The following UGT2B15 variants were observed in gnomAD, a reference collection of about 807,000 sequenced individuals.
UGT2B15 encodes UDP glucuronosyltransferase family 2 member B15.
Under a neutral mutation model 45.9 loss-of-function variants are expected in UGT2B15, and 36 were observed. That is an observed-to-expected ratio of 0.78 (90% CI 0.60 to 1.04). The LOEUF (loss-of-function observed/expected upper bound fraction) is 1.04. Ranked by LOEUF, UGT2B15 falls within the 50% of genes least tolerant of loss-of-function variation. UGT2B15 has a pLI of 0.00. For synonymous variants in UGT2B15, 219 were observed against 216.4 expected, an observed-to-expected ratio of 1.01 and a Z score of -0.11; for missense variants, 617 against 622.4, an observed-to-expected ratio of 0.99 and a Z score of 0.09.
chr4:68,667,321 C>A (rs948126545), intron 2 of UGT2B15, among the ~76,000 whole-genome samples: 8 of 152,008 alleles, frequency 5.3e-5, no homozygotes, highest in African/African-American at 1.7e-4. Context: ...AGGCACACAC[C>A]AGCATGCCTG....
At chr4:68,667,432 T>A (rs1206327957) in intron 2 of UGT2B15, among the ~76,000 whole-genome samples, 1 of 152,108 alleles carries the variant, frequency 6.6e-6, no homozygotes, top group East Asian at 1.9e-4. Context: ...CTTCTCTGCC[T>A]CCCAAAGTGC....
Position 68,670,195 on chromosome 4 carries a change from G to A in UGT2B15, c.424C>T (p.Gln142Ter), listed in dbSNP as rs200589973. The A allele has an allele frequency of 3.1e-6, 5 of 1,614,018 alleles. No individual in the cohort carries two copies. The Admixed American group carries it at 5.0e-5, about 16-fold the overall frequency. ...VLNKKLMMKL[Q>*]ESKFDVILAD... The stretch of plus-strand genomic sequence containing the variant: ...AGAATGACATCAAACTTTGACTCTT[G>A]TAGTTTCATCATAAGTTTCTTATTC... Residue 142 changes from glutamine (Q) to a stop codon, truncating the protein, a stop_gained, in exon 1 of 6, where the codon CAA becomes TAA. Transcript: ENST00000338206. LOFTEE classifies it high-confidence loss of function.
chr4:68,659,309 G>C (rs772646709), intron 3 of UGT2B15, among the ~76,000 whole-genome samples: 3 of 151,844 alleles, frequency 2.0e-5, no homozygotes, highest in African/African-American at 7.3e-5. Flanking sequence ...TTTGATATTT[G>C]AGAAATTTTC....
At chr4:68,651,237 C>A (rs956480932) in intron 5 of UGT2B15, among the ~76,000 whole-genome samples, 7 of 151,972 alleles carry the variant, frequency 4.6e-5, no homozygotes, top group Non-Finnish European at 1.5e-5. Context: ...ATGCCTATGT[C>A]CTGAATGATA....
At chr4:68,658,975 T>C (rs1732886004) in intron 3 of UGT2B15, among the ~76,000 whole-genome samples, 1 of 152,038 alleles carries the variant, frequency 6.6e-6, no homozygotes, top group Non-Finnish European at 1.5e-5. Context: ...GACACACTAA[T>C]GCAAGACCAA....
intron 3 of UGT2B15, 131 bp from the exon 4 acceptor site, chr4:68,655,313 C>T: frequency 8.6e-7 from 1 of 1,167,928 alleles, no homozygotes; most frequent in Admixed American, 2.5e-5. Flanking sequence ...GAAGTGATGT[C>T]AAGTAATGAG....
At position 68,661,483 on chromosome 4, in the gene UGT2B15, T is replaced by C. The variant is rs186908864; in HGVS notation, c.1005+1525A>G. 5.3e-5 allele frequency among the ~76,000 whole-genome samples: 8 copies of C among 152,086 alleles called. No individual in the cohort carries two copies. The East Asian group carries it at 1.5e-3, about 29-fold the overall frequency. Reference sequence around the variant, plus strand: ...AAATTAGTAATAACCTATATATTTATTTTATATACTTTATACTAGCTGTAA... The same window carrying C: ...AAATTAGTAATAACCTATATATTTACTTTATATACTTTATACTAGCTGTAA... On this transcript the variant is annotated intron_variant, in intron 3 of 5. Coordinates refer to ENST00000338206, the MANE Select transcript of UGT2B15 (RefSeq NM_001076.4).
At chr4:68,653,938 C>A in intron 5 of UGT2B15, 99 bp downstream of exon 5, 1 of 1,462,824 alleles carries the variant, frequency 6.8e-7, no homozygotes, top group South Asian at 1.3e-5. Flanking sequence ...TCACTTCAAT[C>A]CCTTCAAAAT....
chr4:68,658,034 T>C lies in UGT2B15; in HGVS notation c.1006-2852A>G, dbSNP rs189119688. Among the ~76,000 whole-genome samples the C allele has an allele frequency of 5.3e-5, 8 of 152,226 alleles. No homozygotes were observed. In the East Asian group the frequency reaches 1.5e-3, roughly 29 times the overall value. On this transcript the variant is annotated intron_variant, in intron 3 of 5. Transcript: ENST00000338206. The stretch of plus-strand genomic sequence containing the variant: ...CTATTTAATTTTCACTTGGTTTCTT[T>C]TAATATGCAAATGTAAGACTATTTA...
At position 68,663,999 on chromosome 4, in the gene UGT2B15, A is replaced by G. The variant is rs183897391; in HGVS notation, c.874-860T>C. Among the ~76,000 whole-genome samples the G allele has an allele frequency of 1.6e-4, 25 of 152,212 alleles. 1 individual carries two copies. Among genetic ancestry groups the G allele is most frequent in the East Asian group, 5.8e-4 (3 of 5,184 alleles). ...ACACTGTGAATTTGATGTGCTATGT[A>G]TAACTGAATGTGGGGGACCCTCATC... On this transcript the variant is annotated intron_variant, in intron 2 of 5. Transcript: ENST00000338206.
Position 68,650,377 on chromosome 4 carries a change from CTT to C in UGT2B15, c.1314-2996_1314-2995del, listed in dbSNP as rs1732617768. 1.2e-4 allele frequency among the ~76,000 whole-genome samples: 18 copies of C among 152,066 alleles called. No homozygotes were observed. The South Asian group carries it at 3.7e-3, about 32-fold the overall frequency. ...ATGTATTCTCATTGTTCAACTCCCTCTTATAAGTGAGAACATGTGGTGTTTGG... is the reference window on the plus strand; with the variant it reads ...ATGTATTCTCATTGTTCAACTCCCTCATAAGTGAGAACATGTGGTGTTTGG... On this transcript the variant is annotated intron_variant, in intron 5 of 5. Coordinates refer to ENST00000338206, the MANE Select transcript of UGT2B15 (RefSeq NM_001076.4).
chr4:68,663,637 GA>G (rs1397066978), intron 2 of UGT2B15, among the ~76,000 whole-genome samples: 1 of 151,880 alleles, frequency 6.6e-6, no homozygotes, highest in African/African-American at 2.4e-5. Context: ...GAGCATTGAG[GA>G]AAAGTTAGTT....
At chr4:68,666,168 A>G (rs571218391) in intron 2 of UGT2B15, among the ~76,000 whole-genome samples, 51 of 152,034 alleles carry the variant, frequency 3.4e-4, no homozygotes, top group Non-Finnish European at 5.4e-4. Context: ...ATTACCTTTT[A>G]AGCTAGAATA....
At chr4:68,665,424 T>C (rs1733090584) in intron 2 of UGT2B15, among the ~76,000 whole-genome samples, 1 of 152,134 alleles carries the variant, frequency 6.6e-6, no homozygotes, top group Admixed American at 6.6e-5. Context: ...GGTATGCACA[T>C]TATGTAAGTT....
chr4:68,663,316 C>A (rs954030533), intron 2 of UGT2B15, among the ~76,000 whole-genome samples, 177 bp from the exon 3 acceptor site: 13 of 151,510 alleles, frequency 8.6e-5, no homozygotes, highest in African/African-American at 2.9e-4. Flanking sequence ...TATGTGGGAT[C>A]TTTCATGCAA....
intron 5 of UGT2B15, among the ~76,000 whole-genome samples, chr4:68,652,869 T>G (rs919511478): frequency 1.3e-5 from 2 of 151,894 alleles, no homozygotes; most frequent in African/African-American, 2.4e-5. Flanking sequence ...AAATAGAAAT[T>G]TATCTAAGGA....
chr4:68,659,746 A>G (rs906766969), intron 3 of UGT2B15, among the ~76,000 whole-genome samples: 1 of 151,982 alleles, frequency 6.6e-6, no homozygotes, highest in Non-Finnish European at 1.5e-5. Flanking sequence ...TGCTCTTGAA[A>G]AAAAGTTTTT....
chr4:68,649,364 C>T (rs538263034), intron 5 of UGT2B15, among the ~76,000 whole-genome samples: 130 of 136,104 alleles, frequency 9.6e-4, no homozygotes, highest in Non-Finnish European at 1.8e-3. Context: ...CTGCAATTTG[C>T]ATCTCCTGGG....
intron 1 of UGT2B15, among the ~76,000 whole-genome samples, chr4:68,669,301 G>A (rs1408678080): frequency 6.6e-6 from 1 of 152,036 alleles, no homozygotes; most frequent in Non-Finnish European, 1.5e-5. Context: ...CTTTCAACAA[G>A]ATTTCAGTTT....
Sources: gnomAD v4.1 joint callset for allele counts (sites outside exome capture counted in the v4.1 genomes callset) on GRCh38, gnomAD v4.1.1 for gene constraint, MANE v1.5 for transcripts, NCBI Gene and HGNC (gene_info 2026-07-23, HGNC 2026-07-21) for gene names.